OBI1: variants seen among roughly 807,000 people sequenced by gnomAD.
The protein encoded by OBI1 is ring finger protein 219.
Under a neutral mutation model 62.4 loss-of-function variants are expected in OBI1, and 59 were observed. The observed-to-expected ratio is 0.95, with a 90% confidence interval of 0.77 to 1.17. The LOEUF (loss-of-function observed/expected upper bound fraction) is 1.17. Ranked by LOEUF, OBI1 falls within the 50% of genes most tolerant of loss-of-function variation. OBI1 has a pLI of 0.00. For synonymous variants in OBI1, 302 were observed against 292.8 expected (o/e 1.03, Z -0.32); for missense variants, 875 against 830.9 (o/e 1.05, Z -0.65).
At chr13:78,658,088 C>G (rs1159892744) in intron 1 of OBI1, among the ~76,000 whole-genome samples, 1 of 152,172 alleles carries the variant, frequency 6.6e-6, no homozygotes, top group African/African-American at 2.4e-5. Context: ...CCAGGCAGAT[C>G]GTATTGGCCG....
chr13:78,657,815 G>A (rs1593805055), intron 1 of OBI1, among the ~76,000 whole-genome samples: 1 of 152,138 alleles, frequency 6.6e-6, no homozygotes, highest in Non-Finnish European at 1.5e-5. Context: ...GTAGACTGTG[G>A]CAAATAGAAA....
chr13:78,640,970 G>A, intron 3 of OBI1, among the ~76,000 whole-genome samples: 1 of 129,346 alleles, frequency 7.7e-6, no homozygotes, highest in African/African-American at 2.9e-5. Flanking sequence ...AATTACTACT[G>A]TGACTATTGC....
At chr13:78,628,322 T>C (rs1384282780) in intron 5 of OBI1, among the ~76,000 whole-genome samples, 1 of 152,192 alleles carries the variant, frequency 6.6e-6, no homozygotes, top group East Asian at 1.9e-4. Context: ...CCAAGGTTTG[T>C]GTTCACAATC....
chr13:78,618,364 A>C (rs1480160910), intron 5 of OBI1, among the ~76,000 whole-genome samples: 1 of 151,952 alleles, frequency 6.6e-6, no homozygotes, highest in Non-Finnish European at 1.5e-5. Context: ...TTGAAAAATA[A>C]TTACAATTAA....
intron 4 of OBI1, among the ~76,000 whole-genome samples, chr13:78,636,223 C>A (rs2251730): frequency 2.0e-5 from 3 of 152,154 alleles, no homozygotes; most frequent in South Asian, 2.1e-4. Context: ...TCTGGACACA[C>A]TGAAAACTAG....
In OBI1 at chr13:78,634,242, G is replaced by T. The variant is rs114689257; in HGVS notation, c.638+868C>A. 6.6e-3 allele frequency among the ~76,000 whole-genome samples: 1,002 copies of T among 151,938 alleles called. 7 individuals are homozygous for T. Among genetic ancestry groups the T allele is most frequent in the African/African-American group, 0.023 (962 of 41,468 alleles). On this transcript the variant is annotated intron_variant, in intron 5 of 5. Coordinates refer to ENST00000282003, the MANE Select transcript of OBI1 (RefSeq NM_024546.4). ...TATTTCAGATAGGCTTTTTTTTAGT[G>T]TAATGGTTAAGAGCACAGACTCTGG...
chr13:78,625,788 G>A lies in OBI1; in HGVS notation c.639-8666C>T, dbSNP rs571585572. ...CTGACAGTCTACAAGTTCCCCTTCC[G>A]GGAAAACCAAAGGCATAGCAGAATC... On this transcript the variant is annotated intron_variant, in intron 5 of 5. Coordinates refer to ENST00000282003, the MANE Select transcript of OBI1 (RefSeq NM_024546.4). 2.5e-4 allele frequency among the ~76,000 whole-genome samples: 38 copies of A among 152,254 alleles called. 1 individual carries two copies. The highest frequency in any genetic ancestry group is 8.2e-4 in the African/African-American group (34 of 41,516).
In OBI1 at chr13:78,642,131, T is replaced by G; in HGVS notation, c.291A>C (p.Lys97Asn). 1 of 1,588,540 alleles carries G rather than the reference T, an allele frequency of 6.3e-7. No individual in the cohort carries two copies. The highest frequency in any genetic ancestry group is 8.6e-7 in the Non-Finnish European group (1 of 1,156,964). ...LRKTRLELLH[K>N]EYEDEIDCLQ... Reference sequence around the variant, plus strand: ...TTTGATTACTGTTTACCTCATATTCTTTGTGTAGTAATTCAAGTCTAGTTT... The same window carrying G: ...TTTGATTACTGTTTACCTCATATTCGTTGTGTAGTAATTCAAGTCTAGTTT... Residue 97 changes from lysine (K) to asparagine (N), a missense_variant, in exon 3 of 6, where the codon AAA (lysine) becomes AAC (asparagine). By Grantham distance (94) the Lys-to-Asn change is moderately conservative. Transcript: ENST00000282003.
intron 4 of OBI1, 89 bp downstream of exon 4, chr13:78,638,734 T>G (rs1876102346): frequency 8.6e-7 from 1 of 1,159,296 alleles, no homozygotes; most frequent in Non-Finnish European, 1.2e-6. Flanking sequence ...AATCATCTGA[T>G]GATGAGTCAA....
chr13:78,618,982 T>C (rs1354782816), intron 5 of OBI1, among the ~76,000 whole-genome samples: 2 of 152,174 alleles, frequency 1.3e-5, no homozygotes, highest in African/African-American at 4.8e-5. Flanking sequence ...ATAACCCACA[T>C]TTTTAAATGG....
At chr13:78,621,913 T>C (rs1301570993) in intron 5 of OBI1, among the ~76,000 whole-genome samples, 1 of 152,222 alleles carries the variant, frequency 6.6e-6, no homozygotes, top group Non-Finnish European at 1.5e-5. Flanking sequence ...GCTAGCTTCA[T>C]ATCATAAATT....
rs528402708 is a variant in OBI1 at position 78,615,478 on chromosome 13, T to A, written c.*102A>T. 1.2e-6 allele frequency: 1 copy of A among 802,776 alleles called. No individual in the cohort carries two copies. The highest frequency in any genetic ancestry group is 1.8e-5 in the South Asian group (1 of 55,160). 49.7% of individuals were successfully genotyped at this position (802,776 alleles called of 1,614,324 possible). A position where few individuals can be genotyped will look rare whatever the true frequency, so the allele number is the denominator to read the frequency against. On this transcript the variant is annotated 3_prime_UTR_variant, in exon 6 of 6. Transcript: ENST00000282003. The stretch of plus-strand genomic sequence containing the variant: ...TGACTTGATACTTGACTAAAGATTA[T>A]CAATTCCAATTTGTATAGAACTTTT...
At position 78,635,194 on chromosome 13, in the gene OBI1, T is replaced by A; in HGVS notation, c.554A>T (p.Asn185Ile). Residue 185 changes from asparagine to isoleucine, a missense_variant, in exon 5 of 6, where the codon AAT becomes ATT. By Grantham distance (149) the Asn-to-Ile change is moderately radical. Transcript: ENST00000282003. ...ACCATTTTCCAATTTCAATTTTTTATTTGCCTAAAATAACAAATTGAAAAT... is the reference window on the plus strand; with the variant it reads ...ACCATTTTCCAATTTCAATTTTTTAATTGCCTAAAATAACAAATTGAAAAT... ...KDDVDKLKEA[N>I]KKLKLENGGL... The A allele has an allele frequency of 6.3e-7, 1 of 1,590,980 alleles. No homozygotes were observed. The highest frequency in any genetic ancestry group is 8.6e-7 in the Non-Finnish European group (1 of 1,162,844).
intron 5 of OBI1, among the ~76,000 whole-genome samples, chr13:78,633,242 G>A (rs1014497470): frequency 6.6e-6 from 1 of 152,158 alleles, no homozygotes; most frequent in Non-Finnish European, 1.5e-5. Context: ...TCACTAATTT[G>A]TCAAAGTAGG....
intron 5 of OBI1, among the ~76,000 whole-genome samples, chr13:78,631,503 A>T (rs949377468): frequency 6.6e-6 from 1 of 152,122 alleles, no homozygotes; most frequent in African/African-American, 2.4e-5. Context: ...ACTCTTGTAA[A>T]CTTAAAGGTC....
intron 5 of OBI1, among the ~76,000 whole-genome samples, chr13:78,629,278 A>G (rs1271771828): frequency 6.6e-6 from 1 of 152,114 alleles, no homozygotes; most frequent in East Asian, 1.9e-4. Flanking sequence ...TAAAGACACA[A>G]TGACAGAACA....
chr13:78,619,355 T>C (rs947400455), intron 5 of OBI1, among the ~76,000 whole-genome samples: 10 of 151,834 alleles, frequency 6.6e-5, no homozygotes, highest in Admixed American at 1.3e-4. Context: ...AATTATGTTT[T>C]TAAAAGAAGT....
In OBI1 at chr13:78,616,186, G is replaced by A. The variant is rs1183375527; in HGVS notation, c.1575C>T (p.Ser525=). 1.2e-6 allele frequency: 2 copies of A among 1,613,966 alleles called. No individual in the cohort carries two copies. The highest frequency in any genetic ancestry group is 4.5e-5 in the East Asian group (2 of 44,868). Residue 525 remains serine, a synonymous_variant, in exon 6 of 6, where the codon TCC becomes TCT. Transcript: ENST00000282003. ...RSFEMNRTRT[S]SEASMDAAYL... is the part of the protein sequence containing the mutation. The stretch of plus-strand genomic sequence containing the variant: ...AAGCAGCATCCATCGATGCTTCACT[G>A]GATGTTCTTGTCCGGTTCATTTCAA...
In OBI1 at chr13:78,614,556, A is replaced by G. The variant is rs1875180562; in HGVS notation, c.*1024T>C. On this transcript the variant is annotated 3_prime_UTR_variant, in exon 6 of 6. Transcript: ENST00000282003. ...TGTCCTACATAAAAGATATTCTATC[A>G]GCCAACTGAAACCTCTTTTTCTTAA... The G allele has an allele frequency of 6.5e-6, 1 of 152,682 alleles. No individual in the cohort carries two copies. The highest frequency in any genetic ancestry group is 2.4e-5 in the African/African-American group (1 of 41,470). 9.5% of individuals were successfully genotyped at this position (152,682 alleles called of 1,614,324 possible). A position where few individuals can be genotyped will look rare whatever the true frequency, so the allele number is the denominator to read the frequency against.
Sources: allele counts gnomAD v4.1 joint callset (sites outside exome capture counted in the v4.1 genomes callset), GRCh38; gene constraint gnomAD v4.1.1; transcripts MANE v1.5; gene names NCBI Gene and HGNC (gene_info 2026-07-23, HGNC 2026-07-21).